The following EPSTI1 variants were observed in gnomAD, a reference collection of about 807,000 sequenced individuals.
The protein encoded by EPSTI1 is epithelial-stromal interaction protein 1.
A neutral mutation model predicts 49.9 loss-of-function variants in EPSTI1; 66 were observed. The ratio of observed to expected loss-of-function variants is 1.32; its 90% CI spans 1.08 to 1.62. The LOEUF (loss-of-function observed/expected upper bound fraction) is 1.62, where lower values mean the gene tolerates loss of function less well. Ranked by LOEUF, EPSTI1 falls within the 40% of genes most tolerant of loss-of-function variation. The pLI is 0.00. For missense variants in EPSTI1, 394 were observed against 365.5 expected (o/e 1.08, Z -0.64); for synonymous variants, 137 against 130.7 (o/e 1.05, Z -0.33).
intron 1 of EPSTI1, among the ~76,000 whole-genome samples, chr13:42,981,868 C>G (rs2039992827): frequency 6.6e-6 from 1 of 151,790 alleles, no homozygotes; most frequent in South Asian, 2.1e-4. Flanking sequence ...TATATATACC[C>G]TAATATATAC....
chr13:42,917,640 G>GATAAAAAAAA lies in EPSTI1; in HGVS notation c.658-17_658-16insTTTTTTTTAT. The GATAAAAAAAA allele has an allele frequency of 2.7e-5, 4 of 149,420 alleles. No individual in the cohort carries two copies. The highest frequency in any genetic ancestry group is 1.3e-4 in the East Asian group (1 of 7,558). 9.3% of individuals were successfully genotyped at this position (149,420 alleles called of 1,614,324 possible). A position where few individuals can be genotyped will look rare whatever the true frequency, so the allele number is the denominator to read the frequency against. On this transcript the variant is annotated splice_polypyrimidine_tract_variant and intron_variant, in intron 7 of 10. Transcript: ENST00000313624. ...AGCTTCTGGCCTGTAAAGGTACAAAGAGAAAAAAAAAAAAAAAAACAACTT... is the reference window on the plus strand; with the variant it reads ...AGCTTCTGGCCTGTAAAGGTACAAAGATAAAAAAAAAGAAAAAAAAAAAAAAAAACAACTT...
At chr13:42,938,676 G>A (rs1200098618) in intron 6 of EPSTI1, among the ~76,000 whole-genome samples, 1 of 151,954 alleles carries the variant, frequency 6.6e-6, no homozygotes, top group Non-Finnish European at 1.5e-5. Flanking sequence ...CACTTTGGGA[G>A]GCTGAGGTGG....
At chr13:42,921,866 GAA>G (rs34619320) in intron 7 of EPSTI1, among the ~76,000 whole-genome samples, 119 of 147,232 alleles carry the variant, frequency 8.1e-4, no homozygotes, top group African/African-American at 2.8e-3. Flanking sequence ...AGGAGGGAGA[GAA>G]AAAAAAAAAT....
chr13:42,888,371 A>G lies in EPSTI1; in HGVS notation c.*123T>C, dbSNP rs751153398. The G allele has an allele frequency of 6.8e-6, 11 of 1,614,084 alleles. No homozygotes were observed. Among genetic ancestry groups the G allele is most frequent in the Non-Finnish European group, 4.2e-6 (5 of 1,180,036 alleles). The stretch of plus-strand genomic sequence containing the variant: ...CCAGTCACTCCTGACTGCACGGTCA[A>G]GTGTGTGGGCAGTTGAAATTAAGGT... On this transcript the variant is annotated 3_prime_UTR_variant, in exon 11 of 11. Coordinates refer to ENST00000313624, the MANE Select transcript of EPSTI1 (RefSeq NM_033255.5).
chr13:42,910,257 CTTTT>C (rs71099807), intron 8 of EPSTI1, among the ~76,000 whole-genome samples: 4 of 97,640 alleles, frequency 4.1e-5, no homozygotes, highest in Non-Finnish European at 5.7e-5. Flanking sequence ...TTAACCAAAT[CTTTT>C]TTTTTTTTTT....
At chr13:42,950,633 G>A (rs889978886) in intron 6 of EPSTI1, among the ~76,000 whole-genome samples, 4 of 152,050 alleles carry the variant, frequency 2.6e-5, no homozygotes, top group Non-Finnish European at 5.9e-5. Context: ...TTTATAGTCC[G>A]CTCAAGTCCA....
At chr13:42,945,500 G>A (rs536208408) in intron 6 of EPSTI1, among the ~76,000 whole-genome samples, 2 of 152,298 alleles carry the variant, frequency 1.3e-5, no homozygotes, top group South Asian at 4.1e-4. Flanking sequence ...CCACGGTGTG[G>A]CTAAGGAGTC....
At chr13:42,978,719 ATACT>A (rs71825320) in intron 1 of EPSTI1, among the ~76,000 whole-genome samples, 1,893 of 152,298 alleles carry the variant, frequency 0.012, 49 homozygotes, top group South Asian at 0.11. Flanking sequence ...AAAGCCATAG[ATACT>A]TACTTAAGAT....
chr13:42,917,493 G>C (rs1473636534), intron 8 of EPSTI1, 48 bp downstream of exon 8: 1 of 1,444,560 alleles, frequency 6.9e-7, no homozygotes, highest in Admixed American at 1.8e-5. Context: ...AAATTATCTA[G>C]TACCTCAAAT....
At chr13:42,905,780 ACT>A (rs2037481391) in intron 8 of EPSTI1, among the ~76,000 whole-genome samples, 1 of 152,170 alleles carries the variant, frequency 6.6e-6, no homozygotes, top group African/African-American at 2.4e-5. Flanking sequence ...CCCAGAAACA[ACT>A]CTGACACAGG....
chr13:42,970,746 T>A (rs2153433370), intron 1 of EPSTI1, 76 bp from the exon 2 acceptor site: 1 of 1,177,596 alleles, frequency 8.5e-7, no homozygotes, highest in Non-Finnish European at 1.2e-6. Flanking sequence ...ATATTTTTCC[T>A]TCTATTATAC....
At chr13:42,946,927 C>T (rs1304963562) in intron 6 of EPSTI1, among the ~76,000 whole-genome samples, 2 of 152,176 alleles carry the variant, frequency 1.3e-5, no homozygotes, top group Non-Finnish European at 2.9e-5. Flanking sequence ...ATCCCAAAAC[C>T]ATCCCCCTTG....
At chr13:42,948,573 C>A (rs1158788427) in intron 6 of EPSTI1, among the ~76,000 whole-genome samples, 7 of 151,608 alleles carry the variant, frequency 4.6e-5, no homozygotes, top group Non-Finnish European at 8.8e-5. Flanking sequence ...AATTCCTGGG[C>A]TTAAGAGATC....
rs1199785544 is a variant in EPSTI1 at position 42,887,297 on chromosome 13, T to C, written c.*1197A>G. 2.6e-5 allele frequency: 4 copies of C among 152,224 alleles called. No homozygotes were observed. The highest frequency in any genetic ancestry group is 4.8e-5 in the African/African-American group (2 of 41,452). The allele number at this position is 152,224 out of a possible 1,614,324, so 9.4% of individuals were successfully genotyped here. On this transcript the variant is annotated 3_prime_UTR_variant, in exon 11 of 11. Coordinates refer to ENST00000313624, the MANE Select transcript of EPSTI1 (RefSeq NM_033255.5). The stretch of plus-strand genomic sequence containing the variant: ...TTCTCTGTTACCCCCCACCCACCAA[T>C]GTGGCCCTTTCCTAGTGCACCCTTG...
chr13:42,979,422 CA>C (rs566009773), intron 1 of EPSTI1, among the ~76,000 whole-genome samples: 15 of 148,220 alleles, frequency 1.0e-4, no homozygotes, highest in African/African-American at 1.5e-4. Flanking sequence ...ACTAAAAATA[CA>C]AAAAAAAAAT....
intron 2 of EPSTI1, chr13:42,969,648 C>T (rs1402039873): frequency 5.7e-6 from 1 of 174,200 alleles, no homozygotes; most frequent in Non-Finnish European, 1.2e-5. Context: ...GGAATGAGGG[C>T]TCGGTGCTAC....
chr13:42,943,392 G>A (rs1310661115), intron 6 of EPSTI1, among the ~76,000 whole-genome samples: 1 of 152,168 alleles, frequency 6.6e-6, no homozygotes. Context: ...ACTGTATTCA[G>A]CGTCTCTTTC....
intron 8 of EPSTI1, among the ~76,000 whole-genome samples, chr13:42,911,451 T>A (rs1424122407): frequency 6.6e-6 from 1 of 152,210 alleles, no homozygotes; most frequent in Admixed American, 6.5e-5. Flanking sequence ...TCTAAAATTA[T>A]CCAAGTTCAG....
chr13:42,916,227 T>C (rs2037825992), intron 8 of EPSTI1, among the ~76,000 whole-genome samples: 1 of 151,570 alleles, frequency 6.6e-6, no homozygotes, highest in African/African-American at 2.4e-5. Context: ...TATTTGATTG[T>C]AGATTTCAAG....
Sources: allele counts gnomAD v4.1 joint callset (sites outside exome capture counted in the v4.1 genomes callset), GRCh38; gene constraint gnomAD v4.1.1; transcripts MANE v1.5; gene names NCBI Gene and HGNC (gene_info 2026-07-23, HGNC 2026-07-21).